MUCL1: variants seen among roughly 807,000 people sequenced by gnomAD.
MUCL1 encodes mucin-like protein 1.
A neutral mutation model predicts 9.2 loss-of-function variants in MUCL1; 11 were observed. That is an observed-to-expected ratio of 1.19 (90% CI 0.75 to 1.97). The LOEUF is 1.97. Among genes scored for constraint, MUCL1 ranks in the 30% most tolerant of loss-of-function variants. MUCL1 has a pLI of 0.00. For missense variants in MUCL1, 144 were observed against 110.9 expected, an observed-to-expected ratio of 1.30 and a Z score of -1.34; for synonymous variants, 48 against 40.5, an observed-to-expected ratio of 1.19 and a Z score of -0.71.
At chr12:54,849,153 T>C (rs1201103974) in intron 1 of MUCL1, among the ~76,000 whole-genome samples, 1 of 152,174 alleles carries the variant, frequency 6.6e-6, no homozygotes, top group Non-Finnish European at 1.5e-5. Context: ...AAGGCCATTT[T>C]GTACAGCATT....
intron 1 of MUCL1, among the ~76,000 whole-genome samples, chr12:54,844,763 C>A (rs894585787): frequency 2.6e-5 from 4 of 152,178 alleles, no homozygotes; most frequent in Non-Finnish European, 5.9e-5. Flanking sequence ...TTTACATCTT[C>A]TTTCTTGCAA....
chr12:54,838,926 C>G (rs1161671964), upstream of MUCL1, among the ~76,000 whole-genome samples: 1 of 151,964 alleles, frequency 6.6e-6, no homozygotes, highest in Non-Finnish European at 1.5e-5. Context: ...TCTGGCATCT[C>G]AAAGATTTCA....
chr12:54,851,619 C>T (rs1195265997), upstream of MUCL1, among the ~76,000 whole-genome samples: 4 of 152,178 alleles, frequency 2.6e-5, no homozygotes, highest in Non-Finnish European at 5.9e-5. Flanking sequence ...TGCCCTCTCT[C>T]ACCACTCCTA....
At chr12:54,856,948 G>A (rs891813779) in intron 3 of MUCL1, 56 bp downstream of exon 3, 11 of 1,609,738 alleles carry the variant, frequency 6.8e-6, no homozygotes, top group African/African-American at 1.3e-5. Context: ...GATTCCTTGG[G>A]TTCTCTATTC....
At chr12:54,848,732 A>AT (rs1357320275) in intron 1 of MUCL1, among the ~76,000 whole-genome samples, 1 of 152,196 alleles carries the variant, frequency 6.6e-6, no homozygotes, top group African/African-American at 2.4e-5. Flanking sequence ...TGCTTCTGGC[A>AT]TAACAGTCCA....
chr12:54,852,946 C>T (rs1565778254), upstream of MUCL1, among the ~76,000 whole-genome samples: 3 of 152,120 alleles, frequency 2.0e-5, no homozygotes, highest in East Asian at 1.9e-4. Flanking sequence ...AACTCTGTGC[C>T]TCATGGAAGA....
At chr12:54,834,012 A>G (rs1959189044) in intron 1 of MUCL1, among the ~76,000 whole-genome samples, 1 of 152,124 alleles carries the variant, frequency 6.6e-6, no homozygotes, top group African/African-American at 2.4e-5. Flanking sequence ...AATTACATGC[A>G]TTATAACTAT....
intron 2 of MUCL1, among the ~76,000 whole-genome samples, chr12:54,855,651 C>T (rs894329002): frequency 1.3e-5 from 2 of 152,160 alleles, no homozygotes; most frequent in Non-Finnish European, 2.9e-5. Flanking sequence ...ATTCCTTATT[C>T]CCAGGCTGAT....
intron 1 of MUCL1, among the ~76,000 whole-genome samples, chr12:54,847,930 C>G (rs970992258): frequency 6.6e-6 from 1 of 152,060 alleles, no homozygotes; most frequent in Non-Finnish European, 1.5e-5. Flanking sequence ...TGCCCCAGCT[C>G]CCTTGGCATG....
chr12:54,846,011 C>CT (rs1166629565), intron 1 of MUCL1, among the ~76,000 whole-genome samples: 6 of 152,022 alleles, frequency 3.9e-5, no homozygotes, highest in Admixed American at 3.3e-4. Context: ...AAACTTGTAG[C>CT]TTTTTTTATG....
chr12:54,852,165 T>A (rs1268515468), upstream of MUCL1, among the ~76,000 whole-genome samples: 1 of 152,258 alleles, frequency 6.6e-6, no homozygotes, highest in East Asian at 1.9e-4. Flanking sequence ...ACTTTAAAGT[T>A]CATATGGAAG....
upstream of MUCL1, among the ~76,000 whole-genome samples, chr12:54,850,334 G>A (rs1352844298): frequency 5.3e-5 from 6 of 112,498 alleles, no homozygotes; most frequent in South Asian, 3.0e-4. Context: ...CACAGGCCCC[G>A]GTGTGTGATG....
At chr12:54,835,984 A>AT (rs150830437), upstream of MUCL1, among the ~76,000 whole-genome samples, 1,313 of 152,206 alleles carry the variant, frequency 8.6e-3, 9 homozygotes, top group South Asian at 0.015. Flanking sequence ...TTGGGTTGCT[A>AT]TTATTTTGTT....
At chr12:54,833,868 G>A (rs1959188797) in intron 1 of MUCL1, among the ~76,000 whole-genome samples, 1 of 151,968 alleles carries the variant, frequency 6.6e-6, no homozygotes, top group Non-Finnish European at 1.5e-5. Context: ...TATACCTAAT[G>A]CTAAATGATG....
upstream of MUCL1, among the ~76,000 whole-genome samples, chr12:54,852,607 A>C (rs1462540120): frequency 6.6e-6 from 1 of 152,158 alleles, no homozygotes; most frequent in East Asian, 1.9e-4. Context: ...AGGGGACCCT[A>C]ACTGATACAT....
chr12:54,840,465 G>A (rs998205639), intron 1 of MUCL1, among the ~76,000 whole-genome samples: 10 of 152,206 alleles, frequency 6.6e-5, no homozygotes, highest in African/African-American at 2.4e-4. Flanking sequence ...CTAGCCAGGA[G>A]GTGGCACTTG....
upstream of MUCL1, among the ~76,000 whole-genome samples, chr12:54,853,366 A>AGCTT (rs751059123): frequency 4.6e-5 from 7 of 152,134 alleles, no homozygotes; most frequent in Non-Finnish European, 1.0e-4. Context: ...TTTACTTAGC[A>AGCTT]GCTTGGCTCC....
upstream of MUCL1, among the ~76,000 whole-genome samples, chr12:54,836,804 A>C (rs1959193569): frequency 6.6e-6 from 1 of 152,130 alleles, no homozygotes; most frequent in Admixed American, 6.5e-5. Context: ...CATTTTGAAG[A>C]ATTTTTGAAT....
rs780103508 is a variant in MUCL1, at chr12:54,856,897, C to G, written c.223+5C>G. The G allele has an allele frequency of 9.9e-6, 16 of 1,613,514 alleles. No homozygotes were observed. The Admixed American group carries it at 2.7e-4, about 27-fold the overall frequency. On this transcript the variant is annotated splice_donor_5th_base_variant and intron_variant, in intron 3 of 3. Transcript: ENST00000308796. ...CTGCTCGTAAAGACATTCCAGGTAG[C>G]AAGACTCCTCCATCTGTGTGCTTCC... is the stretch of plus-strand genomic sequence containing the variant.
Sources: allele counts gnomAD v4.1 joint callset (sites outside exome capture counted in the v4.1 genomes callset), GRCh38; gene constraint gnomAD v4.1.1; transcripts MANE v1.5; gene names NCBI Gene and HGNC (gene_info 2026-07-23, HGNC 2026-07-21).